The following TET3 variants were observed in gnomAD, a reference collection of about 807,000 sequenced individuals.
The protein encoded by TET3 is tet methylcytosine dioxygenase 3.
Under a neutral mutation model 141.4 loss-of-function variants are expected in TET3, and 19 were observed. The observed-to-expected ratio is 0.13, with a 90% CI of 0.09 to 0.20. The LOEUF (loss-of-function observed/expected upper bound fraction) is 0.20. Among genes scored for constraint, TET3 ranks in the 10% least tolerant of loss-of-function variants. The probability of loss-of-function intolerance (pLI) is 1.00; values close to 1 mark genes in which losing one functional copy is unlikely to be tolerated. For synonymous variants in TET3, 1,043 were observed against 980.9 expected (o/e 1.06, Z -1.18); for missense variants, 1,874 against 2,356.9 (o/e 0.80, Z 4.24).
chr2:74,008,703 A>T (rs184009452), intron 3 of TET3, among the ~76,000 whole-genome samples: 2 of 152,292 alleles, frequency 1.3e-5, no homozygotes, highest in Middle Eastern at 6.8e-3. Flanking sequence ...TTAGACAAAA[A>T]GTAAAAATGA....
chr2:74,099,124 A>G (rs898939029), intron 10 of TET3, among the ~76,000 whole-genome samples, 152 bp from the exon 11 acceptor site: 6 of 152,188 alleles, frequency 3.9e-5, no homozygotes, highest in Admixed American at 2.0e-4. Flanking sequence ...ACCAAGATCA[A>G]TGTGCTTTCC....
At chr2:74,049,174 G>T (rs1687806436) in intron 4 of TET3, among the ~76,000 whole-genome samples, 1 of 152,110 alleles carries the variant, frequency 6.6e-6, no homozygotes, top group African/African-American at 2.4e-5. Context: ...TGGGAGGAGG[G>T]GATGAGACAC....
At position 74,100,992 on chromosome 2, in the gene TET3, G is replaced by A; in HGVS notation, c.4204G>A (p.Asp1402Asn). 6.2e-7 allele frequency: 1 copy of A among 1,612,794 alleles called. No homozygotes were observed. The highest frequency in any genetic ancestry group is 8.5e-7 in the Non-Finnish European group (1 of 1,179,468). Reference protein sequence around the residue: ...YNRSIKQEPVDPLTQAEPVPR... With the variant: ...YNRSIKQEPVNPLTQAEPVPR... Reference sequence around the variant, plus strand: ...CAGATCCATCAAGCAAGAGCCAGTAGACCCGCTGACCCAGGCTGAGCCTGT... The same window carrying A: ...CAGATCCATCAAGCAAGAGCCAGTAAACCCGCTGACCCAGGCTGAGCCTGT... Residue 1402 changes from aspartate (D) to asparagine (N), a missense_variant, in exon 12 of 12, where the codon GAC becomes AAC. By Grantham distance (23) the Asp-to-Asn change is conservative. This residue lies in a region of TET3 where 602 missense variants were observed against 590.2 expected (regional missense o/e 1.02). Coordinates refer to ENST00000409262, the MANE Select transcript of TET3 (RefSeq NM_001287491.2).
the TET3 span, among the ~76,000 whole-genome samples, chr2:74,126,133 A>C: frequency 2.0e-5 from 3 of 152,196 alleles, no homozygotes; most frequent in Admixed American, 1.3e-4. Flanking sequence ...TAATTAACCT[A>C]TCATGTCTAT....
chr2:74,058,524 T>TA (rs75867509), intron 4 of TET3, among the ~76,000 whole-genome samples: 6,925 of 144,792 alleles, frequency 0.048, 504 homozygotes, highest in African/African-American at 0.16. Flanking sequence ...CCTACAAGTT[T>TA]AAAAAAAAAA....
In TET3 at chr2:74,101,591, G is replaced by T; in HGVS notation, c.4803G>T (p.Lys1601Asn). ...KLFGALKSEE[K>N]LWDPFSLEEG... ...TTGGGGCTCTGAAGTCAGAGGAGAAGCTGTGGGACCCCTTCAGCCTGGAGG... is the reference window on the plus strand; with the variant it reads ...TTGGGGCTCTGAAGTCAGAGGAGAATCTGTGGGACCCCTTCAGCCTGGAGG... The change falls in exon 12 of 12, where the codon AAG becomes AAT. Residue 1601 changes from lysine to asparagine, a missense_variant. This residue lies in a region of TET3 where 602 missense variants were observed against 590.2 expected (regional missense o/e 1.02). Coordinates refer to ENST00000409262, the MANE Select transcript of TET3 (RefSeq NM_001287491.2). This position sits in a 1 kb window ranked among gnomAD's most constrained non-coding sequence, Gnocchi z 8.5. 2 of 1,610,382 alleles carry T rather than the reference G, an allele frequency of 1.2e-6. No homozygotes were observed. Among genetic ancestry groups the T allele is most frequent in the Non-Finnish European group, 1.7e-6 (2 of 1,178,208 alleles).
In TET3 at chr2:74,046,275, T is replaced by C; in HGVS notation, c.361-3T>C. On this transcript the variant is annotated splice_polypyrimidine_tract_variant and splice_region_variant and intron_variant, in intron 3 of 11. Coordinates refer to ENST00000409262, the MANE Select transcript of TET3 (RefSeq NM_001287491.2). This position sits in a 1 kb window ranked among gnomAD's most constrained non-coding sequence, Gnocchi z 4.3. ...CCTTTTTCCCCCTTCTCTCTCTCTT[T>C]AGACAGGCTCAGAGCTCAGCCCAGT... is the stretch of plus-strand genomic sequence containing the variant. The C allele has an allele frequency of 6.7e-7, 1 of 1,500,026 alleles. No individual in the cohort carries two copies. The highest frequency in any genetic ancestry group is 8.9e-7 in the Non-Finnish European group (1 of 1,125,442). The allele number at this position is 1,500,026 out of a possible 1,614,324, so 92.9% of individuals were successfully genotyped here.
At chr2:74,073,307 C>G (rs1427466616) in intron 4 of TET3, among the ~76,000 whole-genome samples, 2 of 152,148 alleles carry the variant, frequency 1.3e-5, no homozygotes, top group African/African-American at 4.8e-5. Flanking sequence ...TTTGACAACA[C>G]TTGGTTTTAT....
At chr2:73,989,268 G>A (rs1684207673) in intron 2 of TET3, among the ~76,000 whole-genome samples, 1 of 152,082 alleles carries the variant, frequency 6.6e-6, no homozygotes, top group Non-Finnish European at 1.5e-5. Flanking sequence ...GACTGTTCAG[G>A]TGGGGCGGGA....
Position 74,045,946 on chromosome 2 carries a change from A to G in TET3, c.361-332A>G, listed in dbSNP as rs1364148053. 2.0e-5 allele frequency among the ~76,000 whole-genome samples: 3 copies of G among 152,244 alleles called. No individual in the cohort carries two copies. The East Asian group carries it at 5.8e-4, about 29-fold the overall frequency. ...CCTAGTGTGACTTTGATCATTGTGAATTAAGGACCTTTTTGTGTGTCTCTG... is the reference window on the plus strand; with the variant it reads ...CCTAGTGTGACTTTGATCATTGTGAGTTAAGGACCTTTTTGTGTGTCTCTG... On this transcript the variant is annotated intron_variant, in intron 3 of 11. Transcript: ENST00000409262.
At chr2:74,057,201 A>T (rs1287941520) in intron 4 of TET3, among the ~76,000 whole-genome samples, 1 of 152,228 alleles carries the variant, frequency 6.6e-6, no homozygotes, top group African/African-American at 2.4e-5. Context: ...GTGGGGCTTT[A>T]TTTTAACTTG....
chr2:74,094,365 G>A lies in TET3; in HGVS notation c.3267+699G>A, dbSNP rs767218754. 2.7e-4 allele frequency among the ~76,000 whole-genome samples: 41 copies of A among 152,172 alleles called. 1 individual carries two copies. Among genetic ancestry groups the A allele is most frequent in the Non-Finnish European group, 8.8e-5 (6 of 68,034 alleles). On this transcript the variant is annotated intron_variant, in intron 10 of 11. Transcript: ENST00000409262. Reference sequence around the variant, plus strand: ...CAGGAAGGGAGTAACTTACTGCAAGGGGCAGGGAGAGTGGGATTGGAGAGG... The same window carrying A: ...CAGGAAGGGAGTAACTTACTGCAAGAGGCAGGGAGAGTGGGATTGGAGAGG...
At position 74,107,904 on chromosome 2, in the gene TET3, TTTATTTTGTA is replaced by T. The variant is rs1691597797; in HGVS notation, c.*5730_*5739del. On this transcript the variant is annotated 3_prime_UTR_variant, in exon 12 of 12. Coordinates refer to ENST00000409262, the MANE Select transcript of TET3 (RefSeq NM_001287491.2). Reference sequence around the variant, plus strand: ...AGTACAGTAAATTTATGCTGATAATTTTATTTTGTATAATTTTTACCTTTTTGTTAATATT... The same window carrying T: ...AGTACAGTAAATTTATGCTGATAATTTAATTTTTACCTTTTTGTTAATATT... The T allele has an allele frequency of 6.6e-6, 1 of 152,552 alleles. No homozygotes were observed. The highest frequency in any genetic ancestry group is 2.1e-4 in the South Asian group (1 of 4,822). The allele number at this position is 152,552 out of a possible 1,614,324, so 9.4% of individuals were successfully genotyped here.
chr2:74,010,978 G>A (rs1370883729), intron 3 of TET3, among the ~76,000 whole-genome samples: 5 of 152,006 alleles, frequency 3.3e-5, no homozygotes, highest in Admixed American at 2.6e-4. Context: ...TGGCTCATGC[G>A]TGTAATCCCA....
chr2:74,015,746 T>C (rs1685695022), intron 3 of TET3, among the ~76,000 whole-genome samples: 1 of 152,176 alleles, frequency 6.6e-6, no homozygotes, highest in Non-Finnish European at 1.5e-5. Flanking sequence ...ATCATACAAA[T>C]GAAATTTTAA....
intron 4 of TET3, among the ~76,000 whole-genome samples, chr2:74,065,695 CTTTT>C (rs1186447395): frequency 6.9e-6 from 1 of 144,956 alleles, no homozygotes; most frequent in Non-Finnish European, 1.5e-5. Context: ...TTTCTTCTTT[CTTTT>C]TCTTTCTTTC....
chr2:74,081,842 A>G (rs951268621), intron 6 of TET3, among the ~76,000 whole-genome samples: 2 of 152,190 alleles, frequency 1.3e-5, no homozygotes, highest in Non-Finnish European at 2.9e-5. Flanking sequence ...ATTTTTAGCA[A>G]TTTTTAGTCA....
At chr2:74,004,064 A>G (rs889423456) in intron 3 of TET3, among the ~76,000 whole-genome samples, 3 of 152,066 alleles carry the variant, frequency 2.0e-5, no homozygotes, top group African/African-American at 7.2e-5. Flanking sequence ...GAGAAAACAG[A>G]TTGGGAGGTG....
chr2:74,036,004 G>A (rs1573751372), intron 3 of TET3, among the ~76,000 whole-genome samples: 1 of 152,174 alleles, frequency 6.6e-6, no homozygotes, highest in African/African-American at 2.4e-5. Flanking sequence ...GCGACAGAGT[G>A]AGACTCTGTC....
Sources: allele counts gnomAD v4.1 joint callset (sites outside exome capture counted in the v4.1 genomes callset), GRCh38; gene constraint gnomAD v4.1.1; regional missense constraint gnomAD v4.1.1; non-coding constraint Gnocchi (gnomAD v3.1); transcripts MANE v1.5; gene names NCBI Gene and HGNC (gene_info 2026-07-23, HGNC 2026-07-21).